ESR1: variants seen among roughly 807,000 people sequenced by gnomAD.
The protein encoded by ESR1 is estrogen receptor 1.
In ESR1, 12 loss-of-function variants were observed where a neutral mutation model predicts 52.7. That is an observed-to-expected ratio of 0.23 (90% CI 0.15 to 0.37). The LOEUF (loss-of-function observed/expected upper bound fraction) is 0.37. Among genes scored for constraint, ESR1 ranks in the 10% least tolerant of loss-of-function variants. ESR1 has a pLI of 1.00. For synonymous variants in ESR1, 305 were observed against 316.8 expected, an observed-to-expected ratio of 0.96 and a Z score of 0.39; for missense variants, 584 against 779.7, an observed-to-expected ratio of 0.75 and a Z score of 2.99.
exon 7 of ESR1, chr6:152,125,601 CA>C: frequency 2.5e-6 from 1 of 405,762 alleles, no homozygotes; most frequent in Non-Finnish European, 4.4e-6. Flanking sequence ...TATGCCCTGG[CA>C]ACCAACACTC....
exon 7 of ESR1, chr6:152,127,825 T>C (rs1192707232): frequency 6.6e-6 from 1 of 152,198 alleles, no homozygotes; most frequent in Non-Finnish European, 1.5e-5. Context: ...CTAGTGTACA[T>C]GCAAAAAACC....
chr6:151,729,175 C>T (rs559729090), intron 2 of ESR1, among the ~76,000 whole-genome samples: 84 of 152,188 alleles, frequency 5.5e-4, no homozygotes, highest in African/African-American at 2.0e-3. Context: ...AGGATTAGTG[C>T]CCTCAGCAAA....
rs181830804 is a variant in ESR1 at position 151,685,065 on chromosome 6, T to G, written n.74-16810T>G. 1.7e-4 allele frequency among the ~76,000 whole-genome samples: 25 copies of G among 149,342 alleles called. No homozygotes were observed. In the East Asian group the frequency reaches 4.5e-3, roughly 27 times the overall value. ...TGGGAAGTTAAACTTAGCAACAGAGTCTCTGCTGTATTTAAATATCATTTT... is the reference window on the plus strand; with the variant it reads ...TGGGAAGTTAAACTTAGCAACAGAGGCTCTGCTGTATTTAAATATCATTTT... On this transcript the variant is annotated intron_variant and non_coding_transcript_variant, in intron 1 of 2. Coordinates refer to the ESR1 transcript ENST00000473497.
At chr6:151,703,798 C>T (rs957824466) in intron 2 of ESR1, among the ~76,000 whole-genome samples, 10 of 152,082 alleles carry the variant, frequency 6.6e-5, no homozygotes, top group Non-Finnish European at 1.3e-4. Flanking sequence ...CATGTCAGTC[C>T]CTGAGTAGTC....
intron 5 of ESR1, among the ~76,000 whole-genome samples, chr6:152,045,087 G>A (rs1293115079): frequency 1.3e-5 from 2 of 152,140 alleles, no homozygotes; most frequent in African/African-American, 4.8e-5. Flanking sequence ...AGCAAGTGCT[G>A]TCTGTGGGTG....
chr6:151,931,144 G>A (rs911013472), intron 3 of ESR1, among the ~76,000 whole-genome samples: 5 of 151,652 alleles, frequency 3.3e-5, no homozygotes, highest in East Asian at 3.9e-4. Flanking sequence ...TTTCTTCTTC[G>A]CCTTTCTTTT....
intron 1 of ESR1, among the ~76,000 whole-genome samples, chr6:151,700,200 TTTAGA>T (rs1446331635): frequency 6.6e-6 from 1 of 152,230 alleles, no homozygotes; most frequent in African/African-American, 2.4e-5. Context: ...ATTTCATTAC[TTTAGA>T]TTAGTGGGTT....
At chr6:151,812,462 CAT>C (rs1778974520) in intron 1 of ESR1, among the ~76,000 whole-genome samples, 1 of 152,034 alleles carries the variant, frequency 6.6e-6, no homozygotes, top group South Asian at 2.1e-4. Context: ...ACCAGGTTAT[CAT>C]AAAGAACATT....
chr6:151,879,650 A>G (rs934318598), intron 2 of ESR1, among the ~76,000 whole-genome samples: 1 of 152,196 alleles, frequency 6.6e-6, no homozygotes, highest in African/African-American at 2.4e-5. Flanking sequence ...TGTTTTCTAT[A>G]TCCGGGGAAC....
At chr6:151,948,685 A>G (rs535163426) in intron 4 of ESR1, among the ~76,000 whole-genome samples, 10 of 152,204 alleles carry the variant, frequency 6.6e-5, no homozygotes, top group Non-Finnish European at 1.2e-4. Flanking sequence ...CATTTACTTC[A>G]GGTTGCCTCC....
intron 2 of ESR1, among the ~76,000 whole-genome samples, chr6:151,846,753 A>T (rs535276475): frequency 1.6e-4 from 25 of 152,332 alleles, no homozygotes; most frequent in Non-Finnish European, 3.7e-4. Flanking sequence ...AAAGTGAAGG[A>T]TGCTATTTAA....
chr6:151,787,822 T>G (rs1198754294), intron 2 of ESR1, among the ~76,000 whole-genome samples: 2 of 152,130 alleles, frequency 1.3e-5, no homozygotes, highest in Admixed American at 6.5e-5. Context: ...CTCTTTCTAT[T>G]TGGATGTGCT....
intron 4 of ESR1, among the ~76,000 whole-genome samples, chr6:151,989,167 C>T (rs1392999220): frequency 1.3e-5 from 2 of 152,114 alleles, no homozygotes; most frequent in African/African-American, 4.8e-5. Flanking sequence ...ACTGTTTTAT[C>T]TGGATCTTGC....
At chr6:151,836,041 T>C (rs924746206) in intron 1 of ESR1, among the ~76,000 whole-genome samples, 10 of 152,162 alleles carry the variant, frequency 6.6e-5, no homozygotes, top group African/African-American at 2.4e-4. Context: ...GTTTGAGGAA[T>C]GATTGGAGGC....
At chr6:151,847,659 G>T (rs1785374882) in intron 2 of ESR1, among the ~76,000 whole-genome samples, 1 of 131,782 alleles carries the variant, frequency 7.6e-6, no homozygotes, top group Non-Finnish European at 1.6e-5. Context: ...CAGATGAGTA[G>T]GTTGCGAAAA....
intron 5 of ESR1, among the ~76,000 whole-genome samples, chr6:152,035,483 A>G (rs894785248): frequency 3.9e-5 from 6 of 152,084 alleles, no homozygotes; most frequent in African/African-American, 1.4e-4. Context: ...AGGAAGATTC[A>G]CTATTGAAAA....
chr6:152,050,508 G>A (rs9322352), intron 5 of ESR1, among the ~76,000 whole-genome samples: 33,513 of 151,974 alleles, frequency 0.22, 5,364 homozygotes, highest in African/African-American at 0.44. Context: ...TTTGTATCCA[G>A]ACACTGCCTT....
In ESR1 at chr6:151,772,255, C is replaced by T. The variant is rs370601881; in HGVS notation, c.-70-35588C>T. On this transcript the variant is annotated intron_variant, in intron 2 of 2. Transcript: ENST00000404742. Reference sequence around the variant, plus strand: ...CTGTAGGGGTCTCAGTTGTCCTGGGCACTGTGACATGGCACCCAAATGTCA... The same window carrying T: ...CTGTAGGGGTCTCAGTTGTCCTGGGTACTGTGACATGGCACCCAAATGTCA... Among the ~76,000 whole-genome samples, 16 of 152,252 alleles carry T rather than the reference C, an allele frequency of 1.1e-4. No individual in the cohort carries two copies. In the East Asian group the frequency reaches 1.5e-3, roughly 15 times the overall value.
At chr6:151,681,258 A>G (rs925217616) in intron 1 of ESR1, among the ~76,000 whole-genome samples, 1 of 152,184 alleles carries the variant, frequency 6.6e-6, no homozygotes, top group African/African-American at 2.4e-5. Context: ...TGTGCAGTAG[A>G]CCATAGAAAT....
Sources: allele counts gnomAD v4.1 joint callset (sites outside exome capture counted in the v4.1 genomes callset), GRCh38; gene constraint gnomAD v4.1.1; transcripts MANE v1.5; gene names NCBI Gene and HGNC (gene_info 2026-07-23, HGNC 2026-07-21).